HRH1: variants seen among roughly 807,000 people sequenced by gnomAD.
HRH1 encodes histamine H1 receptor.
In HRH1, 6 loss-of-function variants were observed where a neutral mutation model predicts 10.3. The ratio of observed to expected loss-of-function variants is 0.58; its 90% CI spans 0.32 to 1.15. The LOEUF (loss-of-function observed/expected upper bound fraction) is 1.15, where lower values mean the gene tolerates loss of function less well. Ranked by LOEUF, HRH1 falls within the 50% of genes most tolerant of loss-of-function variation. HRH1 has a pLI of 0.05. For missense variants in HRH1, 514 were observed against 615.3 expected, an observed-to-expected ratio of 0.84 and a Z score of 1.74; for synonymous variants, 242 against 236.7, an observed-to-expected ratio of 1.02 and a Z score of -0.21.
At chr3:11,171,006 G>A (rs553499451) in intron 1 of HRH1, among the ~76,000 whole-genome samples, 114 of 152,188 alleles carry the variant, frequency 7.5e-4, no homozygotes, top group African/African-American at 2.5e-3. Context: ...ATTAGGGATC[G>A]CCTCCCTCCC....
chr3:11,174,814 CA>C (rs1187405258), intron 1 of HRH1, among the ~76,000 whole-genome samples: 1 of 152,184 alleles, frequency 6.6e-6, no homozygotes, highest in Admixed American at 6.5e-5. Context: ...CAGCTCCAGG[CA>C]TGCCAGGGCC....
At chr3:11,143,215 G>A (rs908958617) in intron 1 of HRH1, among the ~76,000 whole-genome samples, 2 of 152,166 alleles carry the variant, frequency 1.3e-5, no homozygotes, top group Non-Finnish European at 2.9e-5. Flanking sequence ...TAAGTGGGGT[G>A]AGAAGCCTCT....
At chr3:11,175,678 G>C (rs1478759461) in intron 1 of HRH1, among the ~76,000 whole-genome samples, 1 of 152,152 alleles carries the variant, frequency 6.6e-6, no homozygotes, top group East Asian at 1.9e-4. Flanking sequence ...GCCTACACTG[G>C]AAGATTTTCT....
chr3:11,242,480 C>CAAAAAAAAAAAAAAAA (rs35809891), intron 1 of HRH1, among the ~76,000 whole-genome samples: 2 of 50,380 alleles, frequency 4.0e-5, no homozygotes, highest in African/African-American at 7.1e-5. Context: ...GACTCCGTCT[C>CAAAAAAAAAAAAAAAA]AAAAAAAAAA....
intron 1 of HRH1, among the ~76,000 whole-genome samples, chr3:11,184,741 C>G (rs917777513): frequency 3.3e-5 from 5 of 151,902 alleles, no homozygotes; most frequent in Non-Finnish European, 7.4e-5. Context: ...CTTGGTGAAA[C>G]CCCGTCTCTA....
intron 1 of HRH1, among the ~76,000 whole-genome samples, chr3:11,242,480 C>CAAA (rs35809891): frequency 1.6e-4 from 8 of 50,380 alleles, no homozygotes; most frequent in Admixed American, 7.3e-4. Flanking sequence ...GACTCCGTCT[C>CAAA]AAAAAAAAAA....
At chr3:11,243,115 T>C (rs1257161560) in intron 1 of HRH1, among the ~76,000 whole-genome samples, 1 of 152,186 alleles carries the variant, frequency 6.6e-6, no homozygotes, top group African/African-American at 2.4e-5. Context: ...GGTTTCGCAA[T>C]GCTGGCCAGG....
intron 1 of HRH1, among the ~76,000 whole-genome samples, chr3:11,177,221 CA>C (rs1356149410): frequency 1.3e-5 from 2 of 149,288 alleles, no homozygotes; most frequent in African/African-American, 5.1e-5. Flanking sequence ...GCCTGGACGA[CA>C]GAGTGAGACC....
intron 1 of HRH1, among the ~76,000 whole-genome samples, chr3:11,142,601 C>T (rs557296775): frequency 8.5e-5 from 13 of 152,314 alleles, no homozygotes; most frequent in African/African-American, 1.4e-4. Flanking sequence ...TCTTCTCCAA[C>T]GAGCCACAAG....
chr3:11,240,460 G>C (rs1939302126), intron 1 of HRH1, among the ~76,000 whole-genome samples: 1 of 151,994 alleles, frequency 6.6e-6, no homozygotes, highest in South Asian at 2.1e-4. Flanking sequence ...AGGCTCTCCA[G>C]GTTGCCCCGA....
Position 11,214,148 on chromosome 3 carries a change from G to C in HRH1, c.-35-44855G>C, listed in dbSNP as rs190454514. On this transcript the variant is annotated intron_variant, in intron 1 of 1. Transcript: ENST00000431010. ...TGAACTCCAGAGGCTGCAAACAGGA[G>C]GGGGAGGGGAAAGCAGAATAAGGAG... 2.2e-3 allele frequency among the ~76,000 whole-genome samples: 335 copies of C among 152,300 alleles called. 1 individual carries two copies. Among genetic ancestry groups the C allele is most frequent in the South Asian group, 3.9e-3 (19 of 4,818 alleles).
chr3:11,263,282 T>C lies in HRH1; in HGVS notation c.*2781T>C, dbSNP rs1940004304. ...GGCTTGTGGACAATCTCTGACCTCT[T>C]TTGAAGATGGGCACTGCATGGACTT... On this transcript the variant is annotated 3_prime_UTR_variant, in exon 2 of 2. Transcript: ENST00000431010. The C allele has an allele frequency of 6.0e-6, 1 of 167,116 alleles. No individual in the cohort carries two copies. The highest frequency in any genetic ancestry group is 2.4e-5 in the African/African-American group (1 of 41,456). 10.4% of individuals were successfully genotyped at this position (167,116 alleles called of 1,614,324 possible).
intron 1 of HRH1, among the ~76,000 whole-genome samples, chr3:11,202,404 C>CAATAAATAAATAAATAAATAAATA (rs60116753): frequency 1.4e-5 from 2 of 140,576 alleles, no homozygotes; most frequent in Admixed American, 7.2e-5. Flanking sequence ...GACTCCATCT[C>CAATAAATAAATAAATAAATAAATA]AATAAATAAA....
intron 1 of HRH1, among the ~76,000 whole-genome samples, chr3:11,241,047 AT>A (rs1432331203): frequency 6.6e-6 from 1 of 152,140 alleles, no homozygotes; most frequent in Non-Finnish European, 1.5e-5. Context: ...CTTTATTTTT[AT>A]TTTTTTATTG....
chr3:11,254,743 G>C (rs1939740895), intron 1 of HRH1, among the ~76,000 whole-genome samples: 1 of 152,174 alleles, frequency 6.6e-6, no homozygotes, highest in African/African-American at 2.4e-5. Flanking sequence ...ACAAGTGCCT[G>C]GTGCCACAAA....
chr3:11,165,006 G>A (rs536069735), intron 1 of HRH1, among the ~76,000 whole-genome samples: 3 of 152,286 alleles, frequency 2.0e-5, no homozygotes, highest in East Asian at 1.9e-4. Context: ...GGACAGACAC[G>A]GCTGCTGCCC....
chr3:11,205,227 C>A (rs953044831), intron 1 of HRH1, among the ~76,000 whole-genome samples: 4 of 152,176 alleles, frequency 2.6e-5, no homozygotes, highest in Non-Finnish European at 5.9e-5. Flanking sequence ...TGGAGAAGGA[C>A]AACCCACCCT....
chr3:11,256,466 C>A (rs571365286), intron 1 of HRH1, among the ~76,000 whole-genome samples: 1 of 152,256 alleles, frequency 6.6e-6, no homozygotes, highest in East Asian at 1.9e-4. Context: ...GGATCAAACA[C>A]CTTGGGGTTT....
intron 1 of HRH1, among the ~76,000 whole-genome samples, chr3:11,233,295 A>G (rs1939091384): frequency 6.7e-6 from 1 of 149,360 alleles, no homozygotes; most frequent in Non-Finnish European, 1.5e-5. Context: ...TTGTTTGTTT[A>G]TTATCTCTTT....
Sources: gnomAD v4.1 joint callset for allele counts (sites outside exome capture counted in the v4.1 genomes callset) on GRCh38, gnomAD v4.1.1 for gene constraint, MANE v1.5 for transcripts, NCBI Gene and HGNC (gene_info 2026-07-23, HGNC 2026-07-21) for gene names.